Variants in CPEB1 observed in about 807,000 individuals in gnomAD.
The protein encoded by CPEB1 is cytoplasmic polyadenylation element binding protein 1, also known as cytoplasmic polyadenylation element-binding protein 1.
A neutral mutation model predicts 65.8 loss-of-function variants in CPEB1; 7 were observed. That is an observed-to-expected ratio of 0.11 (90% CI 0.06 to 0.20). CPEB1 has a LOEUF of 0.20. CPEB1 is among the 10% of genes least tolerant of loss of function. The probability of loss-of-function intolerance (pLI) is 1.00; values close to 1 mark genes in which losing one functional copy is unlikely to be tolerated. For synonymous variants in CPEB1, 262 were observed against 260.0 expected, an observed-to-expected ratio of 1.01 and a Z score of -0.08; for missense variants, 551 against 712.2, an observed-to-expected ratio of 0.77 and a Z score of 2.58.
chr15:82,560,271 T>C (rs2037969916), intron 4 of CPEB1, among the ~76,000 whole-genome samples: 1 of 152,210 alleles, frequency 6.6e-6, no homozygotes, highest in Non-Finnish European at 1.5e-5. Context: ...GTGGTACCAA[T>C]GCCCTGGAGG....
At chr15:82,587,220 G>C (rs1427855420) in intron 3 of CPEB1, among the ~76,000 whole-genome samples, 1 of 152,114 alleles carries the variant, frequency 6.6e-6, no homozygotes, top group Non-Finnish European at 1.5e-5. Flanking sequence ...GGTGAGACAG[G>C]ACTCTCCAAC....
At chr15:82,635,934 G>T (rs1273976734) in intron 1 of CPEB1, among the ~76,000 whole-genome samples, 1 of 152,098 alleles carries the variant, frequency 6.6e-6, no homozygotes, top group Non-Finnish European at 1.5e-5. Context: ...GTCCAACAGG[G>T]CTGGACAGGA....
chr15:82,576,673 G>C (rs1176728475), intron 3 of CPEB1, among the ~76,000 whole-genome samples: 5 of 152,116 alleles, frequency 3.3e-5, no homozygotes, highest in Admixed American at 2.6e-4. Flanking sequence ...AAAAAATAAA[G>C]TCAGACTTTT....
intron 3 of CPEB1, among the ~76,000 whole-genome samples, chr15:82,611,583 C>G (rs1254477460): frequency 6.6e-6 from 1 of 151,334 alleles, no homozygotes; most frequent in East Asian, 1.9e-4. Context: ...ATAGCAAGAC[C>G]CCATCTCTAC....
intron 1 of CPEB1, among the ~76,000 whole-genome samples, chr15:82,631,716 C>T (rs951105054): frequency 1.1e-4 from 16 of 152,092 alleles, no homozygotes; most frequent in African/African-American, 3.6e-4. Context: ...GACTCCAGGC[C>T]CTTCTATTCC....
chr15:82,549,348 G>C, intron 10 of CPEB1, 112 bp downstream of exon 10: 2 of 1,025,302 alleles, frequency 2.0e-6, no homozygotes, highest in Admixed American at 2.0e-5. Flanking sequence ...GGTATATGCT[G>C]ATCTGCAGAC....
At chr15:82,637,977 T>A (rs1415435307) in intron 1 of CPEB1, 3 of 453,702 alleles carry the variant, frequency 6.6e-6, no homozygotes, top group Non-Finnish European at 1.3e-5. Flanking sequence ...ACAAAAAAAA[T>A]TTATGGAGTG....
At chr15:82,564,562 G>T (rs1412794247) in intron 4 of CPEB1, among the ~76,000 whole-genome samples, 1 of 152,134 alleles carries the variant, frequency 6.6e-6, no homozygotes, top group Non-Finnish European at 1.5e-5. Flanking sequence ...CAAAGGGCTG[G>T]AATTACAGGC....
At chr15:82,589,634 C>T (rs1397707264) in intron 3 of CPEB1, among the ~76,000 whole-genome samples, 1 of 151,830 alleles carries the variant, frequency 6.6e-6, no homozygotes, top group East Asian at 1.9e-4. Context: ...GTCCCAGCTA[C>T]TCGGGAGGCT....
chr15:82,648,171 A>C (rs2047737200), upstream of CPEB1: 1 of 329,758 alleles, frequency 3.0e-6, no homozygotes, highest in African/African-American at 2.2e-5. Context: ...GCTGCTAGCC[A>C]CAGCTGCCCC....
At chr15:82,546,723 A>G (rs1205975649) in intron 11 of CPEB1, among the ~76,000 whole-genome samples, 1 of 152,172 alleles carries the variant, frequency 6.6e-6, no homozygotes, top group African/African-American at 2.4e-5. Flanking sequence ...CTCATACACC[A>G]TGCACAGTCA....
intron 3 of CPEB1, 174 bp from the exon 4 acceptor site, chr15:82,571,706 AG>A (rs1274764729): frequency 1.7e-5 from 25 of 1,432,902 alleles, no homozygotes; most frequent in Non-Finnish European, 1.9e-5. Context: ...GGGCAAGAGC[AG>A]TTGCCATACA....
At chr15:82,584,300 A>T (rs958163987) in intron 3 of CPEB1, among the ~76,000 whole-genome samples, 1 of 150,900 alleles carries the variant, frequency 6.6e-6, no homozygotes, top group Non-Finnish European at 1.5e-5. Flanking sequence ...TTTCAGTTAA[A>T]CATCACTGAA....
chr15:82,549,169 C>T (rs1379238021), intron 10 of CPEB1, among the ~76,000 whole-genome samples: 3 of 152,218 alleles, frequency 2.0e-5, no homozygotes, highest in Admixed American at 6.5e-5. Context: ...AAACTGGTTT[C>T]GCTGTGAACT....
intron 1 of CPEB1, chr15:82,629,326 C>A (rs1363499274): frequency 1.0e-6 from 1 of 984,818 alleles, no homozygotes; most frequent in African/African-American, 1.7e-5. Context: ...TAAGTACCAA[C>A]AGTGGTAAAA....
intron 1 of CPEB1, among the ~76,000 whole-genome samples, chr15:82,633,964 T>TAA (rs112776351): frequency 0.02 from 2,603 of 133,238 alleles, 29 homozygotes; most frequent in Non-Finnish European, 0.028. Context: ...CCTAAAGGTA[T>TAA]AAAAAAAAAA....
intron 4 of CPEB1, among the ~76,000 whole-genome samples, chr15:82,558,553 G>A (rs2037629241): frequency 6.6e-6 from 1 of 152,160 alleles, no homozygotes; most frequent in Admixed American, 6.5e-5. Context: ...GAAATGTTTA[G>A]GATGGAAGCA....
intron 3 of CPEB1, among the ~76,000 whole-genome samples, chr15:82,574,864 T>C (rs768695535): frequency 2.6e-5 from 4 of 152,096 alleles, no homozygotes; most frequent in Admixed American, 6.6e-5. Context: ...GATAAACCCA[T>C]TGTAAGTTGA....
chr15:82,636,298 T>C (rs370429252), intron 1 of CPEB1, among the ~76,000 whole-genome samples: 2 of 152,162 alleles, frequency 1.3e-5, no homozygotes, highest in East Asian at 3.8e-4. Context: ...ACTAAACAAC[T>C]GCTCCCAAAT....
Sources: gnomAD v4.1 joint callset for allele counts (sites outside exome capture counted in the v4.1 genomes callset) on GRCh38, gnomAD v4.1.1 for gene constraint, MANE v1.5 for transcripts, NCBI Gene and HGNC (gene_info 2026-07-23, HGNC 2026-07-21) for gene names.